FAT1: variants seen among roughly 807,000 people sequenced by gnomAD.
The protein encoded by FAT1 is protocadherin Fat 1.
Under a neutral mutation model 329.8 loss-of-function variants are expected in FAT1, and 171 were observed. The observed-to-expected ratio is 0.52, with a 90% CI of 0.46 to 0.59. The LOEUF (loss-of-function observed/expected upper bound fraction) is 0.59, where lower values mean the gene tolerates loss of function less well. Among genes scored for constraint, FAT1 ranks in the 20% least tolerant of loss-of-function variants. The pLI is 0.00. For synonymous variants in FAT1, 2,233 were observed against 2,228.6 expected (o/e 1.00, Z -0.06); for missense variants, 5,672 against 5,774.4 (o/e 0.98, Z 0.57).
At position 186,621,266 on chromosome 4, in the gene FAT1, T is replaced by A. The variant is rs532008780; in HGVS notation, c.5320A>T (p.Ile1774Phe). The A allele has an allele frequency of 1.9e-6, 3 of 1,614,060 alleles. No individual in the cohort carries two copies. Among genetic ancestry groups the A allele is most frequent in the Non-Finnish European group, 2.5e-6 (3 of 1,179,884 alleles). Residue 1774 changes from isoleucine (I) to phenylalanine (F), a missense_variant, in exon 10 of 27, where the codon ATT becomes TTT. Physicochemically the swap from Ile to Phe is conservative, Grantham distance 21. Around this residue, in one of 2 missense-constraint regions of FAT1, gnomAD observed 3,966 missense variants for 3,915.2 expected, o/e 1.01. Coordinates refer to ENST00000441802, the MANE Select transcript of FAT1 (RefSeq NM_005245.4). The part of the protein sequence containing the change: ...VFMQAEYTGL[I>F]SESASINSVV... ...CTGTTAATTGAGGCTGATTCACTAA[T>A]GAGTCCTGTATATTCTGCCTGCATA...
At chr4:186,657,127 C>T (rs941642289) in intron 3 of FAT1, among the ~76,000 whole-genome samples, 1 of 152,152 alleles carries the variant, frequency 6.6e-6, no homozygotes, top group African/African-American at 2.4e-5. Context: ...CAGCTATGCA[C>T]CCCTATGTGA....
At chr4:186,621,986 G>A (rs1007727905) in intron 9 of FAT1, among the ~76,000 whole-genome samples, 1 of 152,104 alleles carries the variant, frequency 6.6e-6, no homozygotes, top group Non-Finnish European at 1.5e-5. Context: ...GTCCATAAAT[G>A]ATGAAAAACA....
chr4:186,678,727 C>T (rs981971950), intron 2 of FAT1, among the ~76,000 whole-genome samples: 6 of 151,780 alleles, frequency 4.0e-5, no homozygotes, highest in East Asian at 1.9e-4. Context: ...GAAACAGGAA[C>T]GCTTTTACAC....
At chr4:186,638,619 A>G (rs1262157103) in intron 4 of FAT1, among the ~76,000 whole-genome samples, 1 of 94,220 alleles carries the variant, frequency 1.1e-5, no homozygotes, top group East Asian at 5.0e-4. Context: ...CCCAATGCAC[A>G]CACACACACA....
In FAT1 at chr4:186,716,782, T is replaced by TTTTG. The variant is rs375984788; in HGVS notation, c.-19+6878_-19+6881dup. 3.0e-4 allele frequency among the ~76,000 whole-genome samples: 46 copies of TTTTG among 152,224 alleles called. 1 individual carries two copies. Among genetic ancestry groups the TTTTG allele is most frequent in the African/African-American group, 5.1e-4 (21 of 41,542 alleles). ...GAGATTATGAATTGTAAACGAGTTT[T>TTTTG]TTTGTTTGTTTGTTTGTTTTGGAGA... On this transcript the variant is annotated intron_variant, in intron 1 of 26. Coordinates refer to ENST00000441802, the MANE Select transcript of FAT1 (RefSeq NM_005245.4).
rs760908159 is a variant in FAT1, at chr4:186,603,810, C to T, written c.10716G>A (p.Gln3572=). The T allele has an allele frequency of 1.8e-5, 29 of 1,613,840 alleles. No individual in the cohort carries two copies. Among genetic ancestry groups the T allele is most frequent in the Non-Finnish European group, 2.3e-5 (27 of 1,179,908 alleles). ...TGTAGGTTAGAGTATCATACACGTC[C>T]TGGTCTGTGGCATGGATCTTCCCAA... ...GVIGKIHATD[Q]DVYDTLTYSL... is the part of the protein sequence containing the mutation. The change falls in exon 19 of 27, where the codon CAG becomes CAA. Residue 3572 remains glutamine, a synonymous_variant. Transcript: ENST00000441802.
chr4:186,679,356 G>C (rs980466810), intron 2 of FAT1, among the ~76,000 whole-genome samples: 1 of 144,510 alleles, frequency 6.9e-6, no homozygotes, highest in Non-Finnish European at 1.5e-5. Context: ...GGCGGAGCTT[G>C]CAGTGAGCTG....
At chr4:186,705,138 G>A (rs1439117459) in intron 2 of FAT1, among the ~76,000 whole-genome samples, 2 of 148,712 alleles carry the variant, frequency 1.3e-5, no homozygotes, top group Admixed American at 6.7e-5. Flanking sequence ...TAGGAACGAG[G>A]TTTTGCTGTT....
At chr4:186,714,464 T>C (rs1436671227) in intron 1 of FAT1, among the ~76,000 whole-genome samples, 3 of 151,814 alleles carry the variant, frequency 2.0e-5, no homozygotes, top group Non-Finnish European at 4.4e-5. Context: ...AAGTAAAGAT[T>C]GTGAGTGGGC....
chr4:186,663,547 G>C lies in FAT1; in HGVS notation c.3332C>G (p.Ala1111Gly), dbSNP rs776058602. 1 of 1,613,518 alleles carries C rather than the reference G, an allele frequency of 6.2e-7. No individual in the cohort carries two copies. Among genetic ancestry groups the C allele is most frequent in the Admixed American group, 1.7e-5 (1 of 60,016 alleles). Reference sequence around the variant, plus strand: ...AAGAGGCACGACACCCTGATCGGTTGCAAAGACTGTTAGCCAATAATGGGA... The same window carrying C: ...AAGAGGCACGACACCCTGATCGGTTCCAAAGACTGTTAGCCAATAATGGGA... ...STSHYWLTVFATDQGVVPLSS... is the reference protein window; with the variant it reads ...STSHYWLTVFGTDQGVVPLSS... Residue 1111 changes from alanine (A) to glycine (G), a missense_variant, in exon 3 of 27, where the codon GCA (alanine) becomes GGA (glycine). By Grantham distance (60) the Ala-to-Gly change is moderately conservative. This residue lies in a region of FAT1 where 3,966 missense variants were observed against 3,915.2 expected (regional missense o/e 1.01). Coordinates refer to ENST00000441802, the MANE Select transcript of FAT1 (RefSeq NM_005245.4).
intron 1 of FAT1, among the ~76,000 whole-genome samples, chr4:186,716,153 T>G (rs900728605): frequency 1.3e-5 from 2 of 152,138 alleles, no homozygotes; most frequent in African/African-American, 2.4e-5. Context: ...CGCATATTTA[T>G]TACTGAGCGG....
chr4:186,668,416 C>T (rs1217655316), intron 2 of FAT1, among the ~76,000 whole-genome samples: 2 of 152,298 alleles, frequency 1.3e-5, no homozygotes, highest in South Asian at 2.1e-4. Flanking sequence ...AGACTGGGAA[C>T]GCCTTCAAAA....
intron 2 of FAT1, among the ~76,000 whole-genome samples, chr4:186,700,248 T>C (rs2126673208): frequency 6.6e-6 from 1 of 152,308 alleles, no homozygotes; most frequent in Non-Finnish European, 1.5e-5. Context: ...AGAAAAGCCT[T>C]CCAACAATTA....
At chr4:186,646,799 C>A (rs111415620) in intron 3 of FAT1, among the ~76,000 whole-genome samples, 1 of 152,046 alleles carries the variant, frequency 6.6e-6, no homozygotes, top group African/African-American at 2.4e-5. Flanking sequence ...TCCTGCTCCC[C>A]GTTCTCTGCT....
In FAT1 at chr4:186,705,638, T is replaced by C. The variant is rs554637619; in HGVS notation, c.3265+925A>G. Among the ~76,000 whole-genome samples, 5 of 152,356 alleles carry C rather than the reference T, an allele frequency of 3.3e-5. No homozygotes were observed. The South Asian group carries it at 1.0e-3, about 32-fold the overall frequency. ...TTTGCTAGGTGCTAAACACAGAAGA[T>C]GCAGGGGCTAAAAGCCTGCCCCGAA... On this transcript the variant is annotated intron_variant, in intron 2 of 26. Coordinates refer to ENST00000441802, the MANE Select transcript of FAT1 (RefSeq NM_005245.4).
intron 26 of FAT1, 49 bp from the exon 27 acceptor site, chr4:186,589,269 G>T (rs1738125506): frequency 6.5e-7 from 1 of 1,539,662 alleles, no homozygotes; most frequent in Non-Finnish European, 8.7e-7. Context: ...CTAAGCTTTT[G>T]TGCCATGGAA....
rs1208128874 is a variant in FAT1 at position 186,589,166 on chromosome 4, T to C, written c.13193A>G (p.Gln4398Arg). ...AATCACCTCATAGTTGGGGAACTCT[T>C]GTATGTCCGGCAGAGGAACGCTTGG... Reference protein sequence around the residue: ...WMPSVPLPDIQEFPNYEVIDE... With the variant: ...WMPSVPLPDIREFPNYEVIDE... Residue 4398 changes from glutamine to arginine, a missense_variant, in exon 27 of 27, where the codon CAA (glutamine) becomes CGA (arginine). Physicochemically the swap from Gln to Arg is conservative, Grantham distance 43 (BLOSUM62 1). Coordinates refer to ENST00000441802, the MANE Select transcript of FAT1 (RefSeq NM_005245.4). 2 of 1,613,836 alleles carry C rather than the reference T, an allele frequency of 1.2e-6. No individual in the cohort carries two copies. The highest frequency in any genetic ancestry group is 2.2e-5 in the East Asian group (1 of 44,880).
At chr4:186,616,920 C>T (rs906930209) in intron 11 of FAT1, 85 bp downstream of exon 11, 2 of 1,226,030 alleles carry the variant, frequency 1.6e-6, no homozygotes, top group South Asian at 1.4e-5. Flanking sequence ...ATGTGAATTA[C>T]ACCACAGCGC....
chr4:186,617,286 T>A (rs1230830642), intron 10 of FAT1, 85 bp from the exon 11 acceptor site: 1 of 931,668 alleles, frequency 1.1e-6, no homozygotes, highest in African/African-American at 1.7e-5. Flanking sequence ...GTACAAAAGA[T>A]GTATAATGTT....
Sources: allele counts gnomAD v4.1 joint callset (sites outside exome capture counted in the v4.1 genomes callset), GRCh38; gene constraint gnomAD v4.1.1; regional missense constraint gnomAD v4.1.1; transcripts MANE v1.5; gene names NCBI Gene and HGNC (gene_info 2026-07-23, HGNC 2026-07-21).